The following WDR17 variants were observed in gnomAD, a reference collection of about 807,000 sequenced individuals.
WDR17 encodes WD repeat-containing protein 17.
WDR17 carries 143 observed loss-of-function variants against 161.7 expected under a neutral mutation model. That is an observed-to-expected ratio of 0.88 (90% confidence interval 0.77 to 1.02). The LOEUF (loss-of-function observed/expected upper bound fraction) is 1.02, where lower values mean the gene tolerates loss of function less well. WDR17 is among the 50% of genes least tolerant of loss of function. The pLI is 0.00. For missense variants in WDR17, 1,469 were observed against 1,520.9 expected (o/e 0.97, Z 0.57); for synonymous variants, 517 against 515.6 (o/e 1.00, Z -0.04).
At chr4:176,089,190 G>A (rs1360473052) in intron 1 of WDR17, among the ~76,000 whole-genome samples, 2 of 151,880 alleles carry the variant, frequency 1.3e-5, no homozygotes, top group Non-Finnish European at 2.9e-5. Flanking sequence ...GCAGCAAAAT[G>A]TACTCATTAG....
chr4:176,142,468 A>G (rs769987232), intron 11 of WDR17, among the ~76,000 whole-genome samples: 1 of 152,168 alleles, frequency 6.6e-6, no homozygotes, highest in Non-Finnish European at 1.5e-5. Context: ...ACCCGATGCT[A>G]ATGCCTCTGG....
chr4:176,152,523 C>A (rs1274625342), intron 17 of WDR17, among the ~76,000 whole-genome samples: 1 of 133,810 alleles, frequency 7.5e-6, no homozygotes, highest in Non-Finnish European at 1.6e-5. Flanking sequence ...GGGGAATTGC[C>A]TGAACCTGGG....
chr4:176,141,817 T>C (rs13146003), intron 10 of WDR17, among the ~76,000 whole-genome samples, 166 bp from the exon 11 acceptor site: 44,707 of 152,204 alleles, frequency 0.29, 7,250 homozygotes, highest in African/African-American at 0.43. Context: ...CAAATATACT[T>C]ATAATTGGTA....
At chr4:176,156,024 T>C in intron 17 of WDR17, 55 bp from the exon 18 acceptor site, 2 of 1,541,348 alleles carry the variant, frequency 1.3e-6, no homozygotes, top group Non-Finnish European at 1.8e-6. Flanking sequence ...GTCTTAAGAA[T>C]TACACAGAGC....
chr4:176,157,294 T>G (rs1748309207), intron 18 of WDR17, among the ~76,000 whole-genome samples: 1 of 152,210 alleles, frequency 6.6e-6, no homozygotes, highest in Non-Finnish European at 1.5e-5. Context: ...GAAATTTGGA[T>G]TTTTCTTTTA....
At chr4:176,083,162 C>T (rs1734973255) in intron 1 of WDR17, among the ~76,000 whole-genome samples, 2 of 144,840 alleles carry the variant, frequency 1.4e-5, no homozygotes, top group Non-Finnish European at 3.1e-5. Context: ...GTTATATTAC[C>T]CTAATGCAAG....
At chr4:176,096,586 G>C in intron 1 of WDR17, 1 of 1,581,846 alleles carries the variant, frequency 6.3e-7, no homozygotes, top group Non-Finnish European at 8.6e-7. Flanking sequence ...ACTACAAAGA[G>C]TAAGATACAT....
At chr4:176,078,972 T>C (rs1734404273) in intron 1 of WDR17, among the ~76,000 whole-genome samples, 1 of 152,070 alleles carries the variant, frequency 6.6e-6, no homozygotes, top group Non-Finnish European at 1.5e-5. Flanking sequence ...TAGATCTTAT[T>C]CCTTCTATAT....
At chr4:176,071,344 A>G (rs1179187418) in intron 1 of WDR17, among the ~76,000 whole-genome samples, 1 of 58,672 alleles carries the variant, frequency 1.7e-5, no homozygotes, top group Non-Finnish European at 5.0e-5. Context: ...TTTTTTTGAG[A>G]CAGAGTCTCA....
chr4:176,103,536 G>A (rs937081394), intron 1 of WDR17, among the ~76,000 whole-genome samples: 1 of 151,850 alleles, frequency 6.6e-6, no homozygotes, highest in Admixed American at 6.6e-5. Flanking sequence ...AAAAACTAAA[G>A]GAGATATGGA....
At position 176,163,395 on chromosome 4, in the gene WDR17, A is replaced by T; in HGVS notation, c.2990+102A>T. The T allele has an allele frequency of 2.4e-6, 3 of 1,272,400 alleles. No individual in the cohort carries two copies. In the South Asian group the frequency reaches 4.6e-5, roughly 20 times the overall value. The allele number at this position is 1,272,400 out of a possible 1,614,324, so 78.8% of individuals were successfully genotyped here. On this transcript the variant is annotated intron_variant, in intron 22 of 28. Coordinates refer to ENST00000508596, the MANE Select transcript of WDR17 (RefSeq NM_181265.4). Reference sequence around the variant, plus strand: ...AAGATATGCATTGGGAGAATATAGGATCACCTTGTTTATAAAGGATAAGAT... The same window carrying T: ...AAGATATGCATTGGGAGAATATAGGTTCACCTTGTTTATAAAGGATAAGAT...
At chr4:176,140,728 T>G (rs1340919478) in intron 10 of WDR17, among the ~76,000 whole-genome samples, 1 of 152,166 alleles carries the variant, frequency 6.6e-6, no homozygotes, top group African/African-American at 2.4e-5. Flanking sequence ...TCCTCACTTT[T>G]TAATTTCAGT....
intron 25 of WDR17, among the ~76,000 whole-genome samples, chr4:176,173,666 G>A (rs1215284354): frequency 4.6e-5 from 7 of 151,888 alleles, no homozygotes; most frequent in East Asian, 3.9e-4. Flanking sequence ...ACAGGCGCCC[G>A]CCACCATGCC....
At chr4:176,174,743 A>G (rs2126891255) in intron 26 of WDR17, 25 bp downstream of exon 26, 2 of 1,508,102 alleles carry the variant, frequency 1.3e-6, no homozygotes, top group East Asian at 2.3e-5. Context: ...TTCCTCCATC[A>G]TGACATTAGA....
intron 16 of WDR17, 123 bp from the exon 17 acceptor site, chr4:176,151,689 G>T (rs1747137521): frequency 6.1e-6 from 5 of 823,866 alleles, no homozygotes; most frequent in Admixed American, 3.3e-5. Flanking sequence ...ATCTTTTTTT[G>T]TGTGTTAGGA....
chr4:176,162,084 CAA>C lies in WDR17; in HGVS notation c.2762_2763del (p.Lys921SerfsTer3), dbSNP rs1749116637. ...YKEDFNELLH[K>X]VSKELAEWYF... ...ATTTTTTTCTTTCTAGACTCCTGCA[CAA>C]AGTCAGTAAAGAACTGGCAGAATGG... On this transcript the variant is annotated frameshift_variant, in exon 21 of 29. Coordinates refer to ENST00000508596, the MANE Select transcript of WDR17 (RefSeq NM_181265.4). LOFTEE classifies it high-confidence loss of function. The C allele has an allele frequency of 6.8e-6, 11 of 1,611,988 alleles. No individual in the cohort carries two copies. Among genetic ancestry groups the C allele is most frequent in the Non-Finnish European group, 8.5e-6 (10 of 1,179,008 alleles).
At chr4:176,105,362 C>G (rs759040080) in intron 1 of WDR17, among the ~76,000 whole-genome samples, 1 of 151,882 alleles carries the variant, frequency 6.6e-6, no homozygotes, top group Non-Finnish European at 1.5e-5. Flanking sequence ...ATATATTAAT[C>G]CAATTAGATC....
At chr4:176,130,666 A>G (rs931884584) in intron 6 of WDR17, among the ~76,000 whole-genome samples, 4 of 151,084 alleles carry the variant, frequency 2.6e-5, no homozygotes, top group African/African-American at 7.3e-5. Flanking sequence ...AATGGCGTCA[A>G]CCTGGGAGGC....
At chr4:176,086,174 C>T (rs1355410367) in intron 1 of WDR17, among the ~76,000 whole-genome samples, 3 of 151,818 alleles carry the variant, frequency 2.0e-5, no homozygotes, top group Non-Finnish European at 2.9e-5. Flanking sequence ...ATGATTTCAG[C>T]GTTTTAAAGT....
Sources: allele counts gnomAD v4.1 joint callset (sites outside exome capture counted in the v4.1 genomes callset), GRCh38; gene constraint gnomAD v4.1.1; transcripts MANE v1.5; gene names NCBI Gene and HGNC (gene_info 2026-07-23, HGNC 2026-07-21).